The following FBXW7 variants were observed in gnomAD, a reference collection of about 807,000 sequenced individuals.
FBXW7 encodes F-box and WD repeat domain containing 7.
A neutral mutation model predicts 86.3 loss-of-function variants in FBXW7; 11 were observed. That is an observed-to-expected ratio of 0.13 (90% CI 0.08 to 0.21). The LOEUF is 0.21. Ranked by LOEUF, FBXW7 falls within the 10% of genes least tolerant of loss-of-function variation. The pLI is 1.00. For missense variants in FBXW7, 488 were observed against 847.4 expected (o/e 0.58, Z 5.27); for synonymous variants, 313 against 297.9 (o/e 1.05, Z -0.52).
chr4:152,367,748 A>C (rs73865428), intron 4 of FBXW7, among the ~76,000 whole-genome samples: 2,726 of 152,224 alleles, frequency 0.018, 93 homozygotes, highest in African/African-American at 0.061. Context: ...ATATTCTAAT[A>C]TACAGAAACT....
At chr4:152,400,661 A>G (rs982297254) in intron 4 of FBXW7, among the ~76,000 whole-genome samples, 3 of 152,126 alleles carry the variant, frequency 2.0e-5, no homozygotes, top group African/African-American at 7.2e-5. Flanking sequence ...ATGACATTTT[A>G]GATACAACAA....
At chr4:152,532,366 A>ATTT in intron 2 of FBXW7, among the ~76,000 whole-genome samples, 2 of 152,376 alleles carry the variant, frequency 1.3e-5, no homozygotes, top group East Asian at 3.9e-4. Flanking sequence ...TAATCCAGGC[A>ATTT]TACAGCTTTT....
chr4:152,527,865 T>TACACACACACACACACAC, intron 2 of FBXW7, among the ~76,000 whole-genome samples: 1 of 137,396 alleles, frequency 7.3e-6, no homozygotes, highest in East Asian at 2.1e-4. Flanking sequence ...AAAAATTATA[T>TACACACACACACACACAC]ACACACACAC....
chr4:152,474,066 G>A (rs1280898731), intron 2 of FBXW7, among the ~76,000 whole-genome samples: 1 of 152,188 alleles, frequency 6.6e-6, no homozygotes, highest in East Asian at 1.9e-4. Context: ...AGAGCCAATG[G>A]TGACCAAATT....
At chr4:152,524,872 C>T (rs543681237) in intron 2 of FBXW7, among the ~76,000 whole-genome samples, 12 of 152,330 alleles carry the variant, frequency 7.9e-5, no homozygotes, top group African/African-American at 2.6e-4. Context: ...GGCTTCCCCA[C>T]TCACTGTATA....
chr4:152,467,489 C>T (rs1025709872), intron 2 of FBXW7, among the ~76,000 whole-genome samples: 5 of 152,102 alleles, frequency 3.3e-5, no homozygotes, highest in Non-Finnish European at 5.9e-5. Flanking sequence ...AGGATGGCCC[C>T]TCCCTTCTTC....
intron 9 of FBXW7, among the ~76,000 whole-genome samples, 153 bp from the exon 10 acceptor site, chr4:152,329,938 A>G (rs537867131): frequency 5.3e-5 from 8 of 152,080 alleles, no homozygotes; most frequent in Middle Eastern, 3.4e-3. Flanking sequence ...TTCCTGGCTG[A>G]CGAATCCAGA....
chr4:152,415,854 C>T (rs1738381507), intron 2 of FBXW7, among the ~76,000 whole-genome samples: 2 of 152,068 alleles, frequency 1.3e-5, no homozygotes, highest in African/African-American at 4.8e-5. Context: ...TCTTTTACTT[C>T]CTTCATAGAG....
chr4:152,348,828 CTCTCTA>C, intron 5 of FBXW7: 1 of 344,018 alleles, frequency 2.9e-6, no homozygotes. Flanking sequence ...TTTCACTTGT[CTCTCTA>C]TCCCTCCACA....
intron 4 of FBXW7, among the ~76,000 whole-genome samples, chr4:152,402,000 A>C (rs2126843667): frequency 6.6e-6 from 1 of 152,338 alleles, no homozygotes; most frequent in East Asian, 1.9e-4. Context: ...AAAAAGATAC[A>C]TATGAAATAC....
At chr4:152,341,652 A>G (rs183770837) in intron 6 of FBXW7, among the ~76,000 whole-genome samples, 204 of 152,298 alleles carry the variant, frequency 1.3e-3, no homozygotes, top group African/African-American at 4.6e-3. Context: ...CTATCTCTAG[A>G]GAGTGTTTCT....
chr4:152,494,657 AG>A (rs1437693399), intron 2 of FBXW7, among the ~76,000 whole-genome samples: 1 of 152,154 alleles, frequency 6.6e-6, no homozygotes, highest in African/African-American at 2.4e-5. Context: ...AGGATATTGG[AG>A]AGTCTATGTA....
At chr4:152,419,636 G>A (rs1738770076) in intron 2 of FBXW7, among the ~76,000 whole-genome samples, 1 of 151,996 alleles carries the variant, frequency 6.6e-6, no homozygotes, top group Non-Finnish European at 1.5e-5. Flanking sequence ...CACACACACA[G>A]AGGAGGAGGT....
intron 4 of FBXW7, among the ~76,000 whole-genome samples, chr4:152,398,027 CTT>C (rs1393893711): frequency 5.9e-5 from 9 of 151,970 alleles, no homozygotes; most frequent in African/African-American, 2.2e-4. Flanking sequence ...CTCTTTATCT[CTT>C]TTTGTTGTTA....
At chr4:152,411,041 T>C (rs1257990157) in intron 4 of FBXW7, 1 of 502,812 alleles carries the variant, frequency 2.0e-6, no homozygotes, top group African/African-American at 2.0e-5. Context: ...ACGCAAGGTT[T>C]AGACGAAAAT....
intron 6 of FBXW7, among the ~76,000 whole-genome samples, chr4:152,339,539 G>A (rs750419572): frequency 1.3e-5 from 2 of 152,096 alleles, no homozygotes. Context: ...GATTTGAGGT[G>A]GGTTTTGATA....
intron 2 of FBXW7, among the ~76,000 whole-genome samples, chr4:152,434,169 G>A (rs961754368): frequency 1.3e-5 from 2 of 152,184 alleles, no homozygotes; most frequent in Non-Finnish European, 2.9e-5. Context: ...TGCAGATACT[G>A]AGGGATGCCT....
intron 4 of FBXW7, among the ~76,000 whole-genome samples, chr4:152,373,080 G>A (rs963361958): frequency 6.6e-6 from 1 of 151,926 alleles, no homozygotes; most frequent in African/African-American, 2.4e-5. Context: ...GACACTAAGG[G>A]TCTGTTCAAC....
At chr4:152,501,105 C>A (rs1283586261) in intron 2 of FBXW7, among the ~76,000 whole-genome samples, 2 of 152,152 alleles carry the variant, frequency 1.3e-5, no homozygotes, top group Non-Finnish European at 1.5e-5. Flanking sequence ...AAGTTTCTTT[C>A]TTGTAAGATA....
Sources: allele counts gnomAD v4.1 joint callset (sites outside exome capture counted in the v4.1 genomes callset), GRCh38; gene constraint gnomAD v4.1.1; transcripts MANE v1.5; gene names NCBI Gene and HGNC (gene_info 2026-07-23, HGNC 2026-07-21).